HSDL2: variants seen among roughly 807,000 people sequenced by gnomAD.
HSDL2 encodes the protein hydroxysteroid dehydrogenase-like protein 2.
A neutral mutation model predicts 46.3 loss-of-function variants in HSDL2; 27 were observed. The observed-to-expected ratio is 0.58, with a 90% CI of 0.43 to 0.80. The LOEUF (loss-of-function observed/expected upper bound fraction) is 0.80. Ranked by LOEUF, HSDL2 falls within the 30% of genes least tolerant of loss-of-function variation. The probability of loss-of-function intolerance (pLI) is 0.00; values close to 1 mark genes in which losing one functional copy is unlikely to be tolerated. For missense variants in HSDL2, 451 were observed against 502.7 expected (o/e 0.90, Z 0.98); for synonymous variants, 153 against 163.6 (o/e 0.94, Z 0.50).
At chr9:112,424,820 C>T (rs969324272) in intron 6 of HSDL2, among the ~76,000 whole-genome samples, 1 of 150,870 alleles carries the variant, frequency 6.6e-6, no homozygotes, top group African/African-American at 2.4e-5. Flanking sequence ...TATATTTTTT[C>T]AATATATTTT....
intron 5 of HSDL2, among the ~76,000 whole-genome samples, chr9:112,417,496 C>T (rs1315472157): frequency 1.5e-5 from 2 of 133,652 alleles, no homozygotes; most frequent in South Asian, 2.4e-4. Context: ...AAAAAAAAAA[C>T]GACAAAAAAA....
At chr9:112,458,324 T>C (rs10981414) in intron 9 of HSDL2, among the ~76,000 whole-genome samples, 23 of 31,930 alleles carry the variant, frequency 7.2e-4, no homozygotes, top group Admixed American at 4.3e-3. Context: ...CTTCTTCTTT[T>C]TTTTTTTTTT....
chr9:112,381,919 TCC>T (rs1472783203), intron 1 of HSDL2, among the ~76,000 whole-genome samples: 1 of 152,146 alleles, frequency 6.6e-6, no homozygotes, highest in African/African-American at 2.4e-5. Context: ...TAGGATAAAC[TCC>T]TGGAAGTGAA....
intron 10 of HSDL2, among the ~76,000 whole-genome samples, chr9:112,464,160 A>G (rs1310786567): frequency 2.0e-5 from 3 of 151,918 alleles, no homozygotes; most frequent in Non-Finnish European, 4.4e-5. Context: ...TGAGGCCAGG[A>G]GTATGAGACC....
At chr9:112,435,148 T>A (rs996248326) in intron 6 of HSDL2, among the ~76,000 whole-genome samples, 7 of 152,072 alleles carry the variant, frequency 4.6e-5, no homozygotes, top group African/African-American at 1.7e-4. Flanking sequence ...GAGTGCCTAG[T>A]TGTACCTTCT....
In HSDL2 at chr9:112,438,489, A is replaced by G. The variant is rs759268621; in HGVS notation, c.657A>G (p.Arg219=). 3 of 1,611,686 alleles carry G rather than the reference A, an allele frequency of 1.9e-6. No individual in the cohort carries two copies. The highest frequency in any genetic ancestry group is 2.5e-6 in the Non-Finnish European group (3 of 1,179,176). ...LGGPGIESQC[R]KVDIIADAAY... is the part of the protein sequence containing the mutation. Reference sequence around the variant, plus strand: ...GACCTGGTATCGAAAGCCAGTGTAGAAAAGTTGATATCATTGCAGATGCAG... The same window carrying G: ...GACCTGGTATCGAAAGCCAGTGTAGGAAAGTTGATATCATTGCAGATGCAG... The change falls in exon 7 of 11, where the codon AGA becomes AGG. Residue 219 remains arginine, a synonymous_variant. Transcript: ENST00000398805.
intron 1 of HSDL2, among the ~76,000 whole-genome samples, chr9:112,390,468 A>G (rs549768575): frequency 2.0e-5 from 3 of 152,224 alleles, no homozygotes; most frequent in African/African-American, 4.8e-5. Flanking sequence ...TAATTTATCT[A>G]TTTAGAGACA....
At chr9:112,429,747 G>C (rs1832341695) in intron 6 of HSDL2, among the ~76,000 whole-genome samples, 1 of 152,172 alleles carries the variant, frequency 6.6e-6, no homozygotes, top group Admixed American at 6.5e-5. Context: ...AAGGGGGATT[G>C]GAGTCTCAGC....
intron 1 of HSDL2, among the ~76,000 whole-genome samples, chr9:112,390,573 C>A (rs187236849): frequency 2.6e-5 from 4 of 152,250 alleles, no homozygotes; most frequent in Non-Finnish European, 4.4e-5. Flanking sequence ...TCACCTCAGC[C>A]TCCTGAGTAG....
At chr9:112,399,962 A>G (rs544842362) in intron 1 of HSDL2, among the ~76,000 whole-genome samples, 1 of 152,356 alleles carries the variant, frequency 6.6e-6, no homozygotes, top group South Asian at 2.1e-4. Context: ...TAACAGGATT[A>G]AGAGATTAAA....
chr9:112,394,348 A>G (rs907399556), intron 1 of HSDL2, among the ~76,000 whole-genome samples: 3 of 152,328 alleles, frequency 2.0e-5, no homozygotes, highest in Admixed American at 2.0e-4. Context: ...TTTAAGGGAA[A>G]GAACGAGCTG....
rs753108158 is a variant in HSDL2 at position 112,418,914 on chromosome 9, A to G, written c.554A>G (p.Glu185Gly). ...ATGTATGTGCTTGGAATGGCAGAAG[A>G]ATTTAAAGGTGAAATTGCAGTCAAT... is the stretch of plus-strand genomic sequence containing the variant. ...MSMYVLGMAEEFKGEIAVNAL... is the reference protein window; with the variant it reads ...MSMYVLGMAEGFKGEIAVNAL... The change falls in exon 6 of 11, where the codon GAA (glutamate) becomes GGA (glycine). Residue 185 changes from glutamate (E) to glycine (G), a missense_variant. Transcript: ENST00000398805. The G allele has an allele frequency of 6.2e-7, 1 of 1,606,772 alleles. No individual in the cohort carries two copies. Among genetic ancestry groups the G allele is most frequent in the East Asian group, 2.2e-5 (1 of 44,478 alleles).
rs982162207 is a variant in HSDL2, at chr9:112,472,327, T to C, written c.*1783T>C. 8 of 152,254 alleles carry C rather than the reference T, an allele frequency of 5.3e-5. No homozygotes were observed. Among genetic ancestry groups the C allele is most frequent in the African/African-American group, 1.9e-4 (8 of 41,454 alleles). The allele number at this position is 152,254 out of a possible 1,614,324, so 9.4% of individuals were successfully genotyped here. On this transcript the variant is annotated 3_prime_UTR_variant, in exon 11 of 11. Coordinates refer to ENST00000398805, the MANE Select transcript of HSDL2 (RefSeq NM_032303.5). ...CAAATGCAGACCATTCTATCATACC[T>C]GGCGGGGCTTCTGTTTTATTTTGTA...
At chr9:112,384,403 A>T (rs1159168755) in intron 1 of HSDL2, among the ~76,000 whole-genome samples, 1 of 152,138 alleles carries the variant, frequency 6.6e-6, no homozygotes, top group Admixed American at 6.5e-5. Context: ...TTTTTCTGCC[A>T]ATGCCAGAGA....
At chr9:112,413,451 G>A (rs1265262510) in intron 4 of HSDL2, among the ~76,000 whole-genome samples, 2 of 151,204 alleles carry the variant, frequency 1.3e-5, no homozygotes, top group Non-Finnish European at 2.9e-5. Flanking sequence ...CACTCCAAGA[G>A]TGCAACGAGA....
intron 6 of HSDL2, among the ~76,000 whole-genome samples, chr9:112,428,085 C>T (rs1003093222): frequency 6.6e-6 from 1 of 152,242 alleles, no homozygotes; most frequent in African/African-American, 2.4e-5. Context: ...GGGAGTTCCC[C>T]GGCTCCAAGC....
chr9:112,398,731 CT>C, intron 1 of HSDL2, among the ~76,000 whole-genome samples: 3 of 151,642 alleles, frequency 2.0e-5, no homozygotes, highest in Middle Eastern at 6.9e-3. Flanking sequence ...GCATAATTTC[CT>C]GTTGGGACCA....
At chr9:112,464,917 G>A (rs1378820849) in intron 10 of HSDL2, among the ~76,000 whole-genome samples, 1 of 151,862 alleles carries the variant, frequency 6.6e-6, no homozygotes, top group East Asian at 1.9e-4. Context: ...ATCCCCACCA[G>A]CAGCCCTAAG....
chr9:112,419,487 T>A (rs1423422559), intron 6 of HSDL2, among the ~76,000 whole-genome samples: 1 of 152,180 alleles, frequency 6.6e-6, no homozygotes, highest in Admixed American at 6.5e-5. Flanking sequence ...GCCAATAGCC[T>A]TTGTAGGAAC....
Sources: gnomAD v4.1 joint callset for allele counts (sites outside exome capture counted in the v4.1 genomes callset) on GRCh38, gnomAD v4.1.1 for gene constraint, MANE v1.5 for transcripts, NCBI Gene and HGNC (gene_info 2026-07-23, HGNC 2026-07-21) for gene names.